The following SLC24A3 variants were observed in gnomAD, a reference collection of about 807,000 sequenced individuals.
SLC24A3 encodes sodium/potassium/calcium exchanger 3.
A neutral mutation model predicts 75.8 loss-of-function variants in SLC24A3; 28 were observed. The ratio of observed to expected loss-of-function variants is 0.37; its 90% CI spans 0.27 to 0.51. The LOEUF (loss-of-function observed/expected upper bound fraction) is 0.51. Among genes scored for constraint, SLC24A3 ranks in the 20% least tolerant of loss-of-function variants. SLC24A3 has a pLI of 0.94. For missense variants in SLC24A3, 663 were observed against 847.8 expected (o/e 0.78, Z 2.71); for synonymous variants, 372 against 334.1 (o/e 1.11, Z -1.24).
intron 2 of SLC24A3, among the ~76,000 whole-genome samples, chr20:19,508,648 G>GT (rs1988494167): frequency 2.0e-5 from 3 of 152,204 alleles, no homozygotes; most frequent in African/African-American, 7.2e-5. Context: ...ACTCCACTCA[G>GT]GTCCCTGTGG....
At chr20:19,236,294 G>A (rs1982165946) in intron 1 of SLC24A3, among the ~76,000 whole-genome samples, 1 of 152,140 alleles carries the variant, frequency 6.6e-6, no homozygotes, top group African/African-American at 2.4e-5. Context: ...TGTGCAAGGG[G>A]TGTTGATAGT....
chr20:19,482,634 G>T (rs560760867), intron 2 of SLC24A3, among the ~76,000 whole-genome samples: 15 of 152,348 alleles, frequency 9.8e-5, no homozygotes, highest in African/African-American at 3.6e-4. Flanking sequence ...TTGAATAAAT[G>T]AGTGAATGAT....
At chr20:19,475,663 T>C (rs1018062485) in intron 2 of SLC24A3, among the ~76,000 whole-genome samples, 3 of 152,206 alleles carry the variant, frequency 2.0e-5, no homozygotes, top group Non-Finnish European at 4.4e-5. Context: ...AAATAGGAAT[T>C]GACTTTAATC....
chr20:19,402,815 A>G (rs6046055), intron 2 of SLC24A3, among the ~76,000 whole-genome samples: 3,837 of 152,254 alleles, frequency 0.025, 167 homozygotes, highest in African/African-American at 0.085. Context: ...TATGGGATGC[A>G]TTGAGCTTAG....
At chr20:19,549,809 A>C (rs962761026) in intron 3 of SLC24A3, among the ~76,000 whole-genome samples, 8 of 152,160 alleles carry the variant, frequency 5.3e-5, no homozygotes, top group African/African-American at 1.9e-4. Flanking sequence ...CAATACAAAC[A>C]AAAAACCTTT....
intron 2 of SLC24A3, among the ~76,000 whole-genome samples, chr20:19,496,621 G>A (rs1369994660): frequency 6.6e-6 from 1 of 152,126 alleles, no homozygotes; most frequent in Non-Finnish European, 1.5e-5. Flanking sequence ...GAGCATTCCC[G>A]TGAAAGCCAT....
At chr20:19,569,886 A>G (rs779422798) in intron 3 of SLC24A3, among the ~76,000 whole-genome samples, 6 of 152,190 alleles carry the variant, frequency 3.9e-5, no homozygotes, top group Non-Finnish European at 8.8e-5. Flanking sequence ...CACTGCTGCA[A>G]ATAAGTCCTT....
intron 6 of SLC24A3, among the ~76,000 whole-genome samples, chr20:19,637,236 G>A (rs2032012884): frequency 6.6e-6 from 1 of 152,268 alleles, no homozygotes; most frequent in African/African-American, 2.4e-5. Context: ...AGGAGGTGAA[G>A]GTTGCAGTGA....
At chr20:19,344,404 TG>T (rs1985341977) in intron 2 of SLC24A3, among the ~76,000 whole-genome samples, 1 of 152,230 alleles carries the variant, frequency 6.6e-6, no homozygotes, top group African/African-American at 2.4e-5. Flanking sequence ...GTACATGGCT[TG>T]GTCTTGGGTT....
intron 6 of SLC24A3, among the ~76,000 whole-genome samples, chr20:19,596,961 T>G (rs1039247883): frequency 6.6e-6 from 1 of 152,278 alleles, no homozygotes; most frequent in Non-Finnish European, 1.5e-5. Context: ...TATCAGACTC[T>G]GCTAGGCTGC....
chr20:19,568,366 C>T (rs1261520876), intron 3 of SLC24A3, among the ~76,000 whole-genome samples: 2 of 151,976 alleles, frequency 1.3e-5, no homozygotes, highest in Admixed American at 6.6e-5. Context: ...ACAGACTGTC[C>T]GTAGACAGAT....
chr20:19,321,436 A>G (rs1279898847), intron 2 of SLC24A3, among the ~76,000 whole-genome samples: 2 of 152,202 alleles, frequency 1.3e-5, no homozygotes, highest in Admixed American at 1.3e-4. Context: ...CAGAGGAAAA[A>G]CATGAATCGG....
rs760938155 is a variant in SLC24A3 at position 19,630,435 on chromosome 20, T to C, written c.613-23627T>C. Among the ~76,000 whole-genome samples the C allele has an allele frequency of 2.6e-5, 4 of 152,240 alleles. No individual in the cohort carries two copies. The East Asian group carries it at 7.7e-4, about 29-fold the overall frequency. ...CTATTTCTGTAATCTTCAGGTCATC[T>C]GCTACTTACACTGACCAGGTAACTC... is the stretch of plus-strand genomic sequence containing the variant. On this transcript the variant is annotated intron_variant, in intron 6 of 16. Transcript: ENST00000328041.
At chr20:19,711,043 G>A (rs956254838) in intron 15 of SLC24A3, among the ~76,000 whole-genome samples, 52 of 35,524 alleles carry the variant, frequency 1.5e-3, no homozygotes, top group African/African-American at 5.9e-3. Context: ...CAGTCTCACT[G>A]CCTCCCAGTA....
Position 19,500,284 on chromosome 20 carries a change from G to C in SLC24A3, c.272-15204G>C, listed in dbSNP as rs551050350. ...CACTCTCTCCAGTCCCCCAACTGTG[G>C]ATACTCGGCCGCCACCTCGGAAGCT... On this transcript the variant is annotated intron_variant, in intron 2 of 16. Coordinates refer to ENST00000328041, the MANE Select transcript of SLC24A3 (RefSeq NM_020689.4). Among the ~76,000 whole-genome samples the C allele has an allele frequency of 2.0e-5, 3 of 152,288 alleles. No homozygotes were observed. In the South Asian group the frequency reaches 6.2e-4, roughly 32 times the overall value.
At chr20:19,507,683 G>A (rs1447880359) in intron 2 of SLC24A3, among the ~76,000 whole-genome samples, 2 of 152,158 alleles carry the variant, frequency 1.3e-5, no homozygotes, top group East Asian at 3.9e-4. Context: ...CTTTGAAAGG[G>A]ATGTAGAAAT....
rs565398515 is a variant in SLC24A3, at chr20:19,495,594, G to A, written c.272-19894G>A. On this transcript the variant is annotated intron_variant, in intron 2 of 16. Transcript: ENST00000328041. ...TTGTATGGCAGTACAGCTTCCCTCA[G>A]GAAAGGCAAGGCTGGCCAAAATGTG... Among the ~76,000 whole-genome samples the A allele has an allele frequency of 7.2e-5, 11 of 152,290 alleles. No individual in the cohort carries two copies. In the South Asian group the frequency reaches 1.9e-3, roughly 26 times the overall value.
chr20:19,412,482 G>A (rs1000596588), intron 2 of SLC24A3, among the ~76,000 whole-genome samples: 1 of 151,768 alleles, frequency 6.6e-6, no homozygotes, highest in African/African-American at 2.4e-5. Flanking sequence ...GAAGGAGGGA[G>A]AATAAGAAGA....
intron 1 of SLC24A3, among the ~76,000 whole-genome samples, chr20:19,239,946 C>T (rs1188108247): frequency 2.0e-5 from 3 of 152,114 alleles, no homozygotes; most frequent in Non-Finnish European, 4.4e-5. Flanking sequence ...GGGAGAAGCA[C>T]AATCTGCGGT....
Sources: gnomAD v4.1 joint callset for allele counts (sites outside exome capture counted in the v4.1 genomes callset) on GRCh38, gnomAD v4.1.1 for gene constraint, MANE v1.5 for transcripts, NCBI Gene and HGNC (gene_info 2026-07-23, HGNC 2026-07-21) for gene names.